CNTN4: variants seen among roughly 807,000 people sequenced by gnomAD.
CNTN4 encodes the protein contactin-4.
A neutral mutation model predicts 122.5 loss-of-function variants in CNTN4; 77 were observed. The ratio of observed to expected loss-of-function variants is 0.63; its 90% CI spans 0.52 to 0.76. The LOEUF (loss-of-function observed/expected upper bound fraction) is 0.76. Ranked by LOEUF, CNTN4 falls within the 30% of genes least tolerant of loss-of-function variation. CNTN4 has a pLI of 0.00. For synonymous variants in CNTN4, 512 were observed against 447.0 expected (o/e 1.15, Z -1.83); for missense variants, 1,256 against 1,259.1 (o/e 1.00, Z 0.04).
At chr3:2,296,813 A>G (rs979542450) in intron 2 of CNTN4, among the ~76,000 whole-genome samples, 14 of 151,564 alleles carry the variant, frequency 9.2e-5, no homozygotes, top group African/African-American at 3.1e-4. Flanking sequence ...ACAAAAAACT[A>G]TAATTCCAAT....
At chr3:2,920,368 A>ATT (rs2094416587) in intron 12 of CNTN4, among the ~76,000 whole-genome samples, 1 of 94,300 alleles carries the variant, frequency 1.1e-5, no homozygotes, top group East Asian at 3.7e-4. Context: ...ACAATAGAAT[A>ATT]GTTCCCTATC....
At chr3:2,136,606 T>C (rs534475090) in intron 2 of CNTN4, among the ~76,000 whole-genome samples, 67 of 152,194 alleles carry the variant, frequency 4.4e-4, no homozygotes, top group Non-Finnish European at 8.2e-4. Context: ...TTCAGAAAGA[T>C]GTTGTATTTG....
At chr3:2,629,524 A>C (rs1400986937) in intron 4 of CNTN4, 1 of 452,906 alleles carries the variant, frequency 2.2e-6, no homozygotes, top group East Asian at 7.1e-5. Context: ...TTCCCGTTCT[A>C]GGTTCACAGA....
At chr3:2,762,379 G>A (rs760324685) in intron 6 of CNTN4, among the ~76,000 whole-genome samples, 7 of 152,086 alleles carry the variant, frequency 4.6e-5, no homozygotes, top group Admixed American at 1.3e-4. Flanking sequence ...TATGACCTCC[G>A]ATAGGTCCCA....
At chr3:2,543,637 C>T (rs2078122229) in intron 3 of CNTN4, among the ~76,000 whole-genome samples, 1 of 152,098 alleles carries the variant, frequency 6.6e-6, no homozygotes, top group Admixed American at 6.6e-5. Flanking sequence ...ATTGCTCCAT[C>T]TCTGCTACCT....
At chr3:2,549,677 C>T (rs550451014) in intron 3 of CNTN4, among the ~76,000 whole-genome samples, 149 of 152,228 alleles carry the variant, frequency 9.8e-4, no homozygotes, top group Middle Eastern at 3.4e-3. Flanking sequence ...GTGTTTGTCT[C>T]TGCCAGGTTT....
chr3:2,736,092 C>G, intron 4 of CNTN4, 123 bp from the exon 5 acceptor site: 3 of 962,492 alleles, frequency 3.1e-6, no homozygotes, highest in Non-Finnish European at 5.0e-6. Flanking sequence ...TGAAACACAG[C>G]CTGTTGTGCC....
At chr3:2,102,058 GATGA>G (rs2032012160) in intron 2 of CNTN4, among the ~76,000 whole-genome samples, 1 of 152,186 alleles carries the variant, frequency 6.6e-6, no homozygotes, top group Non-Finnish European at 1.5e-5. Flanking sequence ...AGGTGTAAAG[GATGA>G]ATGTGTTTTG....
chr3:2,531,150 A>G lies in CNTN4; in HGVS notation c.-88-40266A>G, dbSNP rs1009719413. Reference sequence around the variant, plus strand: ...AAACTGCACACTATCATTTGTGAGTATTTTCACTTGTCAACTGGAAAACAA... The same window carrying G: ...AAACTGCACACTATCATTTGTGAGTGTTTTCACTTGTCAACTGGAAAACAA... On this transcript the variant is annotated intron_variant, in intron 3 of 24. Transcript: ENST00000418658. Among the ~76,000 whole-genome samples, 7 of 152,164 alleles carry G rather than the reference A, an allele frequency of 4.6e-5. 1 individual carries two copies. The highest frequency in any genetic ancestry group is 7.3e-5 in the Non-Finnish European group (5 of 68,032).
chr3:2,193,055 A>G (rs1468349361), intron 2 of CNTN4, among the ~76,000 whole-genome samples: 6 of 152,134 alleles, frequency 3.9e-5, no homozygotes, highest in East Asian at 1.9e-4. Flanking sequence ...GGAAGACCCA[A>G]TCTTTCCCTT....
intron 20 of CNTN4, 74 bp downstream of exon 20, chr3:3,040,345 A>G: frequency 8.9e-7 from 1 of 1,128,356 alleles, no homozygotes; most frequent in Non-Finnish European, 1.3e-6. Flanking sequence ...TAGCACGTAC[A>G]ATCAATTTCG....
chr3:3,054,783 C>G (rs1701634265), intron 24 of CNTN4, among the ~76,000 whole-genome samples: 1 of 152,100 alleles, frequency 6.6e-6, no homozygotes, highest in African/African-American at 2.4e-5. Context: ...TTGCACAACA[C>G]TGGAGTATAC....
At chr3:2,210,177 T>C (rs2038547990) in intron 2 of CNTN4, among the ~76,000 whole-genome samples, 1 of 152,164 alleles carries the variant, frequency 6.6e-6, no homozygotes, top group Non-Finnish European at 1.5e-5. Flanking sequence ...GTCCATACAA[T>C]GGAATATGTG....
chr3:2,671,051 G>T (rs1261374523), intron 4 of CNTN4, among the ~76,000 whole-genome samples: 1 of 152,096 alleles, frequency 6.6e-6, no homozygotes. Context: ...CAACTTTGGT[G>T]AATCTGACAA....
At chr3:2,183,368 G>C (rs1391996817) in intron 2 of CNTN4, among the ~76,000 whole-genome samples, 1 of 152,042 alleles carries the variant, frequency 6.6e-6, no homozygotes, top group African/African-American at 2.4e-5. Flanking sequence ...GTTTTCTCTT[G>C]GTTCCCAGAG....
In CNTN4 at chr3:2,873,649, T is replaced by G. The variant is rs1041907791; in HGVS notation, c.652+6700T>G. Among the ~76,000 whole-genome samples the G allele has an allele frequency of 1.2e-4, 19 of 152,348 alleles. 5 individuals carry two copies. The highest frequency in any genetic ancestry group is 1.2e-4 in the African/African-American group (5 of 41,588). ...TTTCCTAATACTGCTCCATGCTACA[T>G]TAGATCCTCAACTGGGCATCAACAG... On this transcript the variant is annotated intron_variant, in intron 8 of 24. Coordinates refer to ENST00000418658, the MANE Select transcript of CNTN4 (RefSeq NM_175607.3).
rs554517589 is a variant in CNTN4 at position 2,896,653 on chromosome 3, A to T, written c.941-4032A>T. On this transcript the variant is annotated intron_variant, in intron 10 of 24. Coordinates refer to ENST00000418658, the MANE Select transcript of CNTN4 (RefSeq NM_175607.3). ...TCTCGTGCCAATACTAGGAACACTG[A>T]ATTTGAGGTAATATGAGAATTTCTT... 5.3e-5 allele frequency among the ~76,000 whole-genome samples: 8 copies of T among 152,260 alleles called. No homozygotes were observed. The South Asian group carries it at 1.7e-3, about 32-fold the overall frequency.
At chr3:2,505,953 C>G (rs1312465763) in intron 3 of CNTN4, among the ~76,000 whole-genome samples, 1 of 152,076 alleles carries the variant, frequency 6.6e-6, no homozygotes, top group East Asian at 1.9e-4. Context: ...GCATCTTATT[C>G]CTCTTTTCAC....
rs867626629 is a variant in CNTN4 at position 2,561,676 on chromosome 3, C to T, written c.-88-9740C>T. On this transcript the variant is annotated intron_variant, in intron 3 of 24. Transcript: ENST00000418658. ...TTCAACAACCCTGTATTTTCACTGT[C>T]ACTTTATGAAAGAGGAAAGTGAGGC... 2.0e-5 allele frequency among the ~76,000 whole-genome samples: 3 copies of T among 152,240 alleles called. No individual in the cohort carries two copies. In the Middle Eastern group the frequency reaches 0.01, roughly 518 times the overall value.
Sources: allele counts gnomAD v4.1 joint callset (sites outside exome capture counted in the v4.1 genomes callset), GRCh38; gene constraint gnomAD v4.1.1; transcripts MANE v1.5; gene names NCBI Gene and HGNC (gene_info 2026-07-23, HGNC 2026-07-21).